Variants in APC observed in about 807,000 individuals in gnomAD.
The protein encoded by APC is APC regulator of Wnt signaling pathway.
Under a neutral mutation model 247.0 loss-of-function variants are expected in APC, and 72 were observed. That is an observed-to-expected ratio of 0.29 (90% CI 0.24 to 0.35). APC has a LOEUF of 0.35. Among genes scored for constraint, APC ranks in the 10% least tolerant of loss-of-function variants. APC has a pLI of 1.00. For synonymous variants in APC, 1,254 were observed against 1,162.5 expected, an observed-to-expected ratio of 1.08 and a Z score of -1.60; for missense variants, 3,400 against 3,360.7, an observed-to-expected ratio of 1.01 and a Z score of -0.29.
At chr5:112,758,563 G>T (rs1459297341) in intron 2 of APC, among the ~76,000 whole-genome samples, 3 of 152,072 alleles carry the variant, frequency 2.0e-5, no homozygotes, top group Admixed American at 1.3e-4. Flanking sequence ...CTGACCTCGT[G>T]ATCCACCGCC....
intron 8 of APC, among the ~76,000 whole-genome samples, chr5:112,813,297 G>T (rs760969693): frequency 6.6e-6 from 1 of 152,118 alleles, no homozygotes; most frequent in Non-Finnish European, 1.5e-5. Flanking sequence ...TGTGAACGAT[G>T]ATCTAAAATA....
chr5:112,789,034 T>G (rs981835080), intron 6 of APC, among the ~76,000 whole-genome samples: 10 of 152,216 alleles, frequency 6.6e-5, no homozygotes, highest in Admixed American at 2.6e-4. Flanking sequence ...GTGTGTTGTT[T>G]ACACAGTTAA....
At chr5:112,726,091 G>C (rs1358295927) in intron 1 of APC, among the ~76,000 whole-genome samples, 4 of 152,194 alleles carry the variant, frequency 2.6e-5, no homozygotes, top group Non-Finnish European at 5.9e-5. Flanking sequence ...GCCGGGGCAA[G>C]TGCCCCTGGG....
intron 2 of APC, among the ~76,000 whole-genome samples, chr5:112,760,973 C>G (rs111539326): frequency 6.6e-6 from 1 of 152,126 alleles, no homozygotes; most frequent in Non-Finnish European, 1.5e-5. Flanking sequence ...CCATGCCTGG[C>G]TAATTTTTTG....
intron 2 of APC, among the ~76,000 whole-genome samples, chr5:112,760,652 A>G (rs1755545390): frequency 6.6e-6 from 1 of 152,216 alleles, no homozygotes. Context: ...TCCATTCAAG[A>G]TAAATGTCAG....
intron 9 of APC, among the ~76,000 whole-genome samples, chr5:112,817,831 C>G (rs73218139): frequency 0.029 from 4,441 of 152,234 alleles, 229 homozygotes; most frequent in African/African-American, 0.1. Flanking sequence ...AATAGCTTAA[C>G]TATAATAGTA....
At chr5:112,708,019 C>T (rs1750628009) in intron 1 of APC, 1 of 907,644 alleles carries the variant, frequency 1.1e-6, no homozygotes, top group African/African-American at 1.7e-5. Flanking sequence ...CTCCCCTCCC[C>T]GCACTCCCCA....
intron 1 of APC, among the ~76,000 whole-genome samples, chr5:112,731,795 T>C (rs1752112559): frequency 6.6e-6 from 1 of 152,248 alleles, no homozygotes; most frequent in African/African-American, 2.4e-5. Flanking sequence ...AGAGTCTTGC[T>C]CTGTTGCCCA....
intron 2 of APC, among the ~76,000 whole-genome samples, chr5:112,756,021 T>G (rs1434645682): frequency 6.6e-6 from 1 of 152,192 alleles, no homozygotes; most frequent in Non-Finnish European, 1.5e-5. Context: ...CTTGGCTATT[T>G]TAACATTTGA....
chr5:112,796,688 T>C (rs1288347933), intron 7 of APC, among the ~76,000 whole-genome samples: 2 of 152,114 alleles, frequency 1.3e-5, no homozygotes, highest in East Asian at 1.9e-4. Flanking sequence ...ATTCTACTTA[T>C]TATGACCTTT....
chr5:112,808,657 G>A (rs1476065644), intron 8 of APC, among the ~76,000 whole-genome samples: 1 of 152,082 alleles, frequency 6.6e-6, no homozygotes, highest in Non-Finnish European at 1.5e-5. Flanking sequence ...CAGTCCTCCT[G>A]CCTCAGCCTC....
At chr5:112,806,828 T>C (rs1447341843) in intron 8 of APC, among the ~76,000 whole-genome samples, 3 of 152,152 alleles carry the variant, frequency 2.0e-5, no homozygotes, top group Admixed American at 6.5e-5. Context: ...TCCTCCAGCA[T>C]TGGCCTCCCA....
chr5:112,770,318 C>T (rs1756895563), intron 4 of APC, among the ~76,000 whole-genome samples: 1 of 152,024 alleles, frequency 6.6e-6, no homozygotes, highest in Non-Finnish European at 1.5e-5. Flanking sequence ...GCAATGATCC[C>T]CATGTTTTAT....
chr5:112,790,316 G>C (rs946547211), intron 6 of APC, among the ~76,000 whole-genome samples: 1 of 151,516 alleles, frequency 6.6e-6, no homozygotes, highest in East Asian at 1.9e-4. Flanking sequence ...GTTTTTTTTG[G>C]GGGGTGGGGG....
At chr5:112,745,649 C>T (rs1206487733) in intron 1 of APC, among the ~76,000 whole-genome samples, 1 of 151,570 alleles carries the variant, frequency 6.6e-6, no homozygotes, top group Non-Finnish European at 1.5e-5. Context: ...CAGCAACCTC[C>T]ACCTCAAGCG....
chr5:112,724,368 A>G (rs1751653567), intron 1 of APC, among the ~76,000 whole-genome samples: 1 of 152,216 alleles, frequency 6.6e-6, no homozygotes, highest in Non-Finnish European at 1.5e-5. Flanking sequence ...TAGGATAGGT[A>G]TAGACAGCTT....
intron 1 of APC, among the ~76,000 whole-genome samples, chr5:112,738,887 C>T (rs368541001): frequency 2.6e-5 from 4 of 152,176 alleles, no homozygotes; most frequent in South Asian, 2.1e-4. Context: ...TAACATAAAT[C>T]CTATACGAAA....
chr5:112,813,408 A>G (rs759637427), intron 8 of APC, among the ~76,000 whole-genome samples: 1 of 152,172 alleles, frequency 6.6e-6, no homozygotes, highest in Non-Finnish European at 1.5e-5. Flanking sequence ...AGTATTACCT[A>G]TTTAAGGACT....
chr5:112,818,003 T>C (rs1653339517), intron 9 of APC, among the ~76,000 whole-genome samples: 1 of 152,218 alleles, frequency 6.6e-6, no homozygotes, highest in South Asian at 2.1e-4. Flanking sequence ...CACTATTGGC[T>C]GGATAATTCT....
Sources: allele counts gnomAD v4.1 joint callset (sites outside exome capture counted in the v4.1 genomes callset), GRCh38; gene constraint gnomAD v4.1.1; transcripts MANE v1.5; gene names NCBI Gene and HGNC (gene_info 2026-07-23, HGNC 2026-07-21).